Variants in KCNIP1 observed in about 807,000 individuals in gnomAD.
KCNIP1 encodes the protein A-type potassium channel modulatory protein KCNIP1.
KCNIP1 carries 18 observed loss-of-function variants against 33.0 expected under a neutral mutation model. That is an observed-to-expected ratio of 0.55 (90% CI 0.38 to 0.81). KCNIP1 has a LOEUF of 0.81. Ranked by LOEUF, KCNIP1 falls within the 30% of genes least tolerant of loss-of-function variation. KCNIP1 has a pLI of 0.00. For synonymous variants in KCNIP1, 93 were observed against 98.3 expected (o/e 0.95, Z 0.32); for missense variants, 238 against 271.6 (o/e 0.88, Z 0.87).
At chr5:170,653,404 A>G (rs1189626282) in intron 1 of KCNIP1, among the ~76,000 whole-genome samples, 1 of 151,952 alleles carries the variant, frequency 6.6e-6, no homozygotes, top group Admixed American at 6.6e-5. Context: ...CTTCATCATC[A>G]TCATCATCAT....
At chr5:170,594,754 A>G (rs4490603) in intron 1 of KCNIP1, among the ~76,000 whole-genome samples, 151,534 of 152,302 alleles carry the variant, frequency 0.99, 75,395 homozygotes, top group Middle Eastern at 1. Flanking sequence ...CAGGTGATCC[A>G]CCCCACTCTG....
intron 1 of KCNIP1, among the ~76,000 whole-genome samples, chr5:170,382,294 A>G (rs989230940): frequency 1.3e-5 from 2 of 152,224 alleles, no homozygotes; most frequent in Non-Finnish European, 2.9e-5. Context: ...CTCTGACCAG[A>G]GATTCCACCT....
At chr5:170,426,247 T>TCACA (rs143211356) in intron 1 of KCNIP1, among the ~76,000 whole-genome samples, 3,659 of 149,174 alleles carry the variant, frequency 0.025, 107 homozygotes, top group Admixed American at 0.087. Flanking sequence ...TCAAAAGGAA[T>TCACA]CACACACACA....
intron 1 of KCNIP1, among the ~76,000 whole-genome samples, chr5:170,616,856 T>C (rs1267060285): frequency 2.0e-5 from 3 of 152,082 alleles, no homozygotes; most frequent in Non-Finnish European, 2.9e-5. Context: ...ACTTCTGCCT[T>C]GTGCCACTGC....
At chr5:170,607,389 C>T (rs189011932) in intron 1 of KCNIP1, among the ~76,000 whole-genome samples, 2 of 152,308 alleles carry the variant, frequency 1.3e-5, no homozygotes, top group Admixed American at 1.3e-4. Context: ...CATTATCAAA[C>T]ATAAACAATC....
At chr5:170,628,240 C>G (rs556141948) in intron 1 of KCNIP1, among the ~76,000 whole-genome samples, 1 of 152,278 alleles carries the variant, frequency 6.6e-6, no homozygotes, top group South Asian at 2.1e-4. Flanking sequence ...CCGCCCTTCT[C>G]CCAGGCACAC....
chr5:170,415,418 C>T (rs2113415036), intron 1 of KCNIP1, among the ~76,000 whole-genome samples: 1 of 152,194 alleles, frequency 6.6e-6, no homozygotes, highest in South Asian at 2.1e-4. Context: ...TAGCAATATC[C>T]CTGGCCTCTA....
At chr5:170,378,141 C>G (rs768737400) in intron 1 of KCNIP1, 1 of 152,256 alleles carries the variant, frequency 6.6e-6, no homozygotes, top group Non-Finnish European at 1.5e-5. Context: ...TTGATGAGTT[C>G]TCATGTGTTT....
At chr5:170,676,451 A>G (rs780183211) in intron 1 of KCNIP1, among the ~76,000 whole-genome samples, 80 of 152,212 alleles carry the variant, frequency 5.3e-4, no homozygotes, top group Non-Finnish European at 9.4e-4. Flanking sequence ...GCTTTCTGAT[A>G]GAATCAGGAG....
chr5:170,385,433 C>A, intron 1 of KCNIP1: 2 of 1,614,172 alleles, frequency 1.2e-6, no homozygotes, highest in Non-Finnish European at 1.7e-6. Flanking sequence ...GGGCCATCAC[C>A]AGCTTCTTCA....
At chr5:170,485,847 G>C (rs1221344587) in intron 1 of KCNIP1, 2 of 152,698 alleles carry the variant, frequency 1.3e-5, no homozygotes, top group Admixed American at 6.5e-5. Context: ...GACTGGAAAA[G>C]GCTGCTTTTG....
chr5:170,628,542 G>A (rs749961262), intron 1 of KCNIP1, among the ~76,000 whole-genome samples: 39 of 152,162 alleles, frequency 2.6e-4, no homozygotes, highest in Non-Finnish European at 5.1e-4. Context: ...AAGCCCCAGT[G>A]AGGAATCTGC....
At chr5:170,444,877 A>C (rs1756075927) in intron 1 of KCNIP1, among the ~76,000 whole-genome samples, 1 of 151,686 alleles carries the variant, frequency 6.6e-6, no homozygotes. Flanking sequence ...CAGAAATAAA[A>C]CCCCCTCCAG....
At chr5:170,640,722 G>C (rs1449260656) in intron 1 of KCNIP1, among the ~76,000 whole-genome samples, 4 of 152,166 alleles carry the variant, frequency 2.6e-5, no homozygotes, top group Non-Finnish European at 5.9e-5. Flanking sequence ...GTATATTCAG[G>C]AAGAAGTGTC....
intron 1 of KCNIP1, among the ~76,000 whole-genome samples, chr5:170,682,070 C>T (rs1762369428): frequency 6.6e-6 from 1 of 152,146 alleles, no homozygotes; most frequent in Non-Finnish European, 1.5e-5. Context: ...AGGGGCACCA[C>T]ATGACAAAAC....
chr5:170,399,781 T>C (rs951827517), intron 1 of KCNIP1, among the ~76,000 whole-genome samples: 2 of 152,254 alleles, frequency 1.3e-5, no homozygotes, highest in Non-Finnish European at 2.9e-5. Context: ...TAAAATGTTT[T>C]ACTATTTCCT....
At chr5:170,475,632 T>C (rs1756840558) in intron 1 of KCNIP1, among the ~76,000 whole-genome samples, 1 of 152,226 alleles carries the variant, frequency 6.6e-6, no homozygotes, top group Non-Finnish European at 1.5e-5. Flanking sequence ...AATATATCTT[T>C]CTGTTCTGGA....
chr5:170,558,196 G>A (rs186563229), intron 1 of KCNIP1, among the ~76,000 whole-genome samples: 5 of 152,220 alleles, frequency 3.3e-5, no homozygotes, highest in African/African-American at 7.2e-5. Flanking sequence ...TGCCACCCAC[G>A]ATCAAGGAAT....
At chr5:170,665,313 T>G (rs1761661781) in intron 1 of KCNIP1, among the ~76,000 whole-genome samples, 1 of 152,004 alleles carries the variant, frequency 6.6e-6, no homozygotes, top group Non-Finnish European at 1.5e-5. Flanking sequence ...AGCAGACAGA[T>G]TTATTTACAG....
Sources: gnomAD v4.1 joint callset for allele counts (sites outside exome capture counted in the v4.1 genomes callset) on GRCh38, gnomAD v4.1.1 for gene constraint, MANE v1.5 for transcripts, NCBI Gene and HGNC (gene_info 2026-07-23, HGNC 2026-07-21) for gene names.